The following MEG3 variants were observed in gnomAD, a reference collection of about 807,000 sequenced individuals.
MEG3 encodes maternally expressed 3.
At chr14:100,838,803 G>T (rs2037666121) in intron 2 of MEG3, among the ~76,000 whole-genome samples, 1 of 152,006 alleles carries the variant, frequency 6.6e-6, no homozygotes, top group Non-Finnish European at 1.5e-5. Flanking sequence ...AAACCAAGAG[G>T]GTAGCTCAGG....
chr14:100,851,986 T>G, intron 3 of MEG3: 1 of 210,874 alleles, frequency 4.7e-6, no homozygotes, highest in Non-Finnish European at 9.9e-6. Context: ...CAATTCCTAT[T>G]TGGGACATAT....
Position 100,845,260 on chromosome 14 carries a change from T to C in MEG3, n.3046-198T>C, listed in dbSNP as rs2037883548. Among the ~76,000 whole-genome samples the C allele has an allele frequency of 6.6e-6, 1 of 152,128 alleles. No individual in the cohort carries two copies. Among genetic ancestry groups the C allele is most frequent in the Non-Finnish European group, 1.5e-5 (1 of 68,014 alleles). ...ATGTCTCCACACCTGCCCCTTCCGC[T>C]CCATAGGCAGCTGGTGGGTGAGTGG... On this transcript the variant is annotated intron_variant and non_coding_transcript_variant, in intron 2 of 3. Transcript: ENST00000398461. The surrounding 1 kb of genome is among the most constrained non-coding windows in gnomAD (Gnocchi z 5.2).
chr14:100,854,945 T>C (rs1396530152), upstream of MEG3: 1 of 152,632 alleles, frequency 6.6e-6, no homozygotes, highest in Non-Finnish European at 1.5e-5. Context: ...CCTGGGGCAA[T>C]TACATTCTAA....
intron 3 of MEG3, chr14:100,846,986 G>A (rs148345902): frequency 2.0e-5 from 3 of 151,750 alleles, no homozygotes; most frequent in African/African-American, 4.8e-5. Context: ...AAGGGAGAAG[G>A]GAAAGGTTTT....
At chr14:100,848,144 A>T (rs2037970368) in intron 3 of MEG3, 1 of 152,190 alleles carries the variant, frequency 6.6e-6, no homozygotes, top group Non-Finnish European at 1.5e-5. Context: ...AAAGGAAGAG[A>T]GGTAATATAT....
chr14:100,827,864 T>C (rs2037286534), intron 1 of MEG3, among the ~76,000 whole-genome samples: 1 of 152,208 alleles, frequency 6.6e-6, no homozygotes, highest in South Asian at 2.1e-4. Flanking sequence ...TTTAATTGGA[T>C]TGACGAAGGT....
At chr14:100,843,996 C>T (rs528702504) in intron 2 of MEG3, among the ~76,000 whole-genome samples, 4 of 152,002 alleles carry the variant, frequency 2.6e-5, no homozygotes, top group African/African-American at 4.8e-5. Context: ...CATACCACCA[C>T]GCTGAGCTAG....
intron 2 of MEG3, among the ~76,000 whole-genome samples, chr14:100,842,107 G>A (rs1449177841): frequency 6.6e-6 from 1 of 152,198 alleles, no homozygotes; most frequent in Non-Finnish European, 1.5e-5. Context: ...CTCCGGCTGG[G>A]CCTGCACCTG....
At chr14:100,860,665 T>C (rs1291051777) in intron 1 of MEG3, 2 of 456,620 alleles carry the variant, frequency 4.4e-6, no homozygotes, top group Non-Finnish European at 8.8e-6. Context: ...GCAGGTGGCC[T>C]TCATCTGCAA....
At chr14:100,835,631 G>C (rs2037548096) in exon 1 of MEG3, 1 of 156,740 alleles carries the variant, frequency 6.4e-6, no homozygotes, top group African/African-American at 2.4e-5. Context: ...CTAGCAGGCT[G>C]GTTCTCCCTG....
chr14:100,860,826 G>A (rs1439680023), exon 2 of MEG3: 3 of 394,490 alleles, frequency 7.6e-6, no homozygotes, highest in South Asian at 1.9e-5. Flanking sequence ...GGTCAGACCC[G>A]TGGGCTGGAC....
intron 1 of MEG3, among the ~76,000 whole-genome samples, chr14:100,826,957 G>A (rs2037250963): frequency 6.6e-6 from 1 of 151,888 alleles, no homozygotes. Context: ...TGGGGGCACT[G>A]GGAGAATAGA....
chr14:100,832,192 G>T (rs893012987), downstream of MEG3: 1 of 152,086 alleles, frequency 6.6e-6, no homozygotes, highest in African/African-American at 2.4e-5. Context: ...TTCCCCTTAC[G>T]TTAGTTGGGC....
intron 1 of MEG3, chr14:100,860,505 G>T: frequency 2.6e-6 from 1 of 390,476 alleles, no homozygotes; most frequent in South Asian, 1.9e-5. Flanking sequence ...AAGTTGAGGG[G>T]CACTAGGTAG....
At chr14:100,856,163 A>AG (rs1478888871), upstream of MEG3, 1 of 152,202 alleles carries the variant, frequency 6.6e-6, no homozygotes, top group African/African-American at 2.4e-5. Context: ...CCTCCCGTGC[A>AG]GGGGTCTGCA....
intron 1 of MEG3, among the ~76,000 whole-genome samples, chr14:100,828,085 C>T (rs1299902601): frequency 6.6e-6 from 1 of 151,946 alleles, no homozygotes; most frequent in Admixed American, 6.5e-5. Context: ...GGGGGCGTAG[C>T]GACCTGGCGC....
downstream of MEG3, chr14:100,833,646 T>C (rs1269910878): frequency 6.6e-6 from 1 of 152,350 alleles, no homozygotes; most frequent in African/African-American, 2.4e-5. Flanking sequence ...GTTCTGATCT[T>C]TGAGCTCCCT....
Position 100,848,826 on chromosome 14 carries a change from A to G in MEG3, n.3121+3293A>G, listed in dbSNP as rs7155428. 40,244 of 152,098 alleles carry G rather than the reference A, an allele frequency of 0.26. 6,175 individuals are homozygous for G. Among genetic ancestry groups the G allele is most frequent in the Non-Finnish European group, 0.34 (22,795 of 67,964 alleles). 9.4% of individuals were successfully genotyped at this position (152,098 alleles called of 1,614,324 possible). A position where few individuals can be genotyped will look rare whatever the true frequency, so the allele number is the denominator to read the frequency against. On this transcript the variant is annotated intron_variant and non_coding_transcript_variant, in intron 3 of 3. Coordinates refer to the MEG3 transcript ENST00000398461. ...AATGGGAAAATTGGAAGAACGAGAGAGGGAGAGATGTAAGAAAAGAAAGGA... is the reference window on the plus strand; with the variant it reads ...AATGGGAAAATTGGAAGAACGAGAGGGGGAGAGATGTAAGAAAAGAAAGGA...
upstream of MEG3, chr14:100,854,122 T>G (rs923020843): frequency 6.6e-6 from 1 of 152,248 alleles, no homozygotes; most frequent in African/African-American, 2.4e-5. Context: ...TGTTGAATAA[T>G]TTCAGTAAGC....
Sources: gnomAD v4.1 joint callset for allele counts (sites outside exome capture counted in the v4.1 genomes callset) on GRCh38, gnomAD v4.1.1 for gene constraint, Gnocchi (gnomAD v3.1) non-coding constraint, MANE v1.5 for transcripts, NCBI Gene and HGNC (gene_info 2026-07-23, HGNC 2026-07-21) for gene names.